Variants in VPS13A observed in about 807,000 individuals in gnomAD.
The protein encoded by VPS13A is intermembrane lipid transfer protein VPS13A.
In VPS13A, 264 loss-of-function variants were observed where a neutral mutation model predicts 390.9. The observed-to-expected ratio is 0.68, with a 90% CI of 0.61 to 0.75. The LOEUF (loss-of-function observed/expected upper bound fraction) is 0.75. Ranked by LOEUF, VPS13A falls within the 30% of genes least tolerant of loss-of-function variation. VPS13A has a pLI of 0.00. For synonymous variants in VPS13A, 1,231 were observed against 1,227.1 expected (o/e 1.00, Z -0.07); for missense variants, 3,409 against 3,733.9 (o/e 0.91, Z 2.27).
chr9:77,411,498 C>T (rs1834919200), intron 71 of VPS13A, among the ~76,000 whole-genome samples: 1 of 151,730 alleles, frequency 6.6e-6, no homozygotes, highest in Non-Finnish European at 1.5e-5. Context: ...CCCGTCTCTA[C>T]TAAAAATACA....
intron 68 of VPS13A, chr9:77,384,608 G>T: frequency 6.2e-7 from 1 of 1,610,954 alleles, no homozygotes. Context: ...ACAGGGAGTG[G>T]ATTATGACTC....
chr9:77,354,163 C>T (rs1281085897), intron 54 of VPS13A, among the ~76,000 whole-genome samples: 1 of 152,028 alleles, frequency 6.6e-6, no homozygotes. Context: ...TTTTAATTTA[C>T]ATATATTAGT....
Position 77,221,199 on chromosome 9 carries a change from T to C in VPS13A, c.1004T>C (p.Ile335Thr). The change falls in exon 13 of 72, where the codon ATA becomes ACA. Residue 335 changes from isoleucine (I) to threonine (T), a missense_variant. Physicochemically the swap from Ile to Thr is moderately conservative, Grantham distance 89 (BLOSUM62 -1). Transcript: ENST00000360280. ...HHAREWWAYAIHGVLEVNVCP... is the reference protein window; with the variant it reads ...HHAREWWAYATHGVLEVNVCP... ...TTTTTAACTAGGTGGGCTTATGCTA[T>C]ACATGGCGTTCTTGAAGTAAATGTT... 1 of 1,613,472 alleles carries C rather than the reference T, an allele frequency of 6.2e-7. No individual in the cohort carries two copies. The highest frequency in any genetic ancestry group is 8.5e-7 in the Non-Finnish European group (1 of 1,179,524).
At chr9:77,326,181 ATT>A (rs1311752885) in intron 45 of VPS13A, among the ~76,000 whole-genome samples, 5 of 151,178 alleles carry the variant, frequency 3.3e-5, no homozygotes, top group Non-Finnish European at 7.4e-5. Context: ...AGCTTTTGAG[ATT>A]TTTTTTCTTT....
intron 10 of VPS13A, among the ~76,000 whole-genome samples, chr9:77,217,760 A>G (rs1173836409): frequency 1.3e-5 from 2 of 151,956 alleles, no homozygotes; most frequent in Admixed American, 6.6e-5. Flanking sequence ...GTGCTGTGGT[A>G]AACATACAAG....
chr9:77,260,318 G>A (rs1198267643), intron 23 of VPS13A, 94 bp downstream of exon 23: 3 of 1,229,648 alleles, frequency 2.4e-6, no homozygotes, highest in South Asian at 1.5e-5. Flanking sequence ...AAGACAATTT[G>A]CAATTTGTTT....
intron 69 of VPS13A, 68 bp from the exon 70 acceptor site, chr9:77,405,796 T>A (rs1278768415): frequency 1.3e-6 from 2 of 1,594,818 alleles, no homozygotes. Context: ...TTCATTCGTA[T>A]CCTGTTGTTA....
rs577057845 is a variant in VPS13A, at chr9:77,392,568, CAG to C, written c.9189+10485_9189+10486del. ...AGGTAATGTATGTACAGCCATACCT[CAG>C]AGATACTGCACGTTCAGTTCCAGAC... is the stretch of plus-strand genomic sequence containing the variant. On this transcript the variant is annotated intron_variant, in intron 68 of 71. Transcript: ENST00000360280. Among the ~76,000 whole-genome samples the C allele has an allele frequency of 5.7e-3, 874 of 152,106 alleles. 13 individuals carry two copies. Among genetic ancestry groups the C allele is most frequent in the African/African-American group, 0.02 (844 of 41,492 alleles).
chr9:77,366,089 A>G (rs1832411869), intron 60 of VPS13A, among the ~76,000 whole-genome samples: 1 of 152,094 alleles, frequency 6.6e-6, no homozygotes, highest in African/African-American at 2.4e-5. Flanking sequence ...TTGGAGATAC[A>G]AATACCTTTC....
chr9:77,221,258 A>G lies in VPS13A; in HGVS notation c.1063A>G (p.Ile355Val), dbSNP rs1823193687. 6.2e-7 allele frequency: 1 copy of G among 1,613,454 alleles called. No individual in the cohort carries two copies. The highest frequency in any genetic ancestry group is 1.7e-5 in the Admixed American group (1 of 59,968). Residue 355 changes from isoleucine (I) to valine (V), a missense_variant, in exon 13 of 72, where the codon ATT (isoleucine) becomes GTT (valine). Coordinates refer to ENST00000360280, the MANE Select transcript of VPS13A (RefSeq NM_033305.3). ...GTTATGGATGTGGTCATGGAAGCATATTAGAAAACATAGGCAAAAAGTGAA... is the reference window on the plus strand; with the variant it reads ...GTTATGGATGTGGTCATGGAAGCATGTTAGAAAACATAGGCAAAAAGTGAA... ...PRLWMWSWKH[I>V]RKHRQKVKQY... is the part of the protein sequence containing the mutation.
rs1208658006 is a variant in VPS13A, at chr9:77,342,723, A to G, written c.7027-1430A>G. Among the ~76,000 whole-genome samples, 3 of 152,202 alleles carry G rather than the reference A, an allele frequency of 2.0e-5. No homozygotes were observed. In the East Asian group the frequency reaches 5.8e-4, roughly 29 times the overall value. On this transcript the variant is annotated intron_variant, in intron 50 of 71. Transcript: ENST00000360280. ...CTCATCATATATATGCAAATATTCC[A>G]AAATCCAAAAGAAGTCCAGAATGTG...
intron 47 of VPS13A, chr9:77,338,847 A>C (rs1830666943): frequency 6.6e-6 from 1 of 152,344 alleles, no homozygotes; most frequent in Non-Finnish European, 1.5e-5. Context: ...GTTAGTGATC[A>C]CATTCTGTCT....
rs183316143 is a variant in VPS13A, at chr9:77,360,646, G to A, written c.8211+5G>A. 4.2e-5 allele frequency: 67 copies of A among 1,586,354 alleles called. No individual in the cohort carries two copies. In the East Asian group the frequency reaches 1.4e-3, roughly 33 times the overall value. The stretch of plus-strand genomic sequence containing the variant: ...GAGGTGACTGAAAATACAGAGGTAA[G>A]ACTTAAAATAATAACATTTGATGGA... On this transcript the variant is annotated splice_donor_5th_base_variant and intron_variant, in intron 59 of 71. Transcript: ENST00000360280.
At chr9:77,280,309 GTAT>G (rs1826944900) in intron 27 of VPS13A, 71 bp downstream of exon 27, 2 of 1,274,504 alleles carry the variant, frequency 1.6e-6, no homozygotes, top group Non-Finnish European at 2.3e-6. Flanking sequence ...TGTAAGTTTG[GTAT>G]TATTCAGTTT....
At chr9:77,384,957 A>G in intron 68 of VPS13A, 1 of 1,148,324 alleles carries the variant, frequency 8.7e-7, no homozygotes, top group Non-Finnish European at 1.1e-6. Context: ...TAAGAGTTCA[A>G]GTTAGACTTA....
intron 45 of VPS13A, among the ~76,000 whole-genome samples, chr9:77,328,831 T>C (rs1830143095): frequency 6.6e-6 from 1 of 152,210 alleles, no homozygotes; most frequent in South Asian, 2.1e-4. Flanking sequence ...GTTTTCATAC[T>C]GCTGTAAAGA....
intron 59 of VPS13A, among the ~76,000 whole-genome samples, chr9:77,361,039 T>A (rs890911467): frequency 6.6e-6 from 1 of 152,180 alleles, no homozygotes; most frequent in Middle Eastern, 3.4e-3. Context: ...AAAATCATAG[T>A]TATAAAGTGG....
chr9:77,230,639 T>G (rs1379493808), intron 17 of VPS13A, among the ~76,000 whole-genome samples: 1 of 152,144 alleles, frequency 6.6e-6, no homozygotes, highest in Non-Finnish European at 1.5e-5. Flanking sequence ...GGCTTTATAG[T>G]AGAACTTGTA....
At chr9:77,315,873 C>G (rs1473678478) in intron 38 of VPS13A, among the ~76,000 whole-genome samples, 2 of 151,902 alleles carry the variant, frequency 1.3e-5, no homozygotes, top group Non-Finnish European at 2.9e-5. Flanking sequence ...TACGGTTTCT[C>G]TATTATCTTT....
Sources: allele counts gnomAD v4.1 joint callset (sites outside exome capture counted in the v4.1 genomes callset), GRCh38; gene constraint gnomAD v4.1.1; transcripts MANE v1.5; gene names NCBI Gene and HGNC (gene_info 2026-07-23, HGNC 2026-07-21).